JAZF1: variants seen among roughly 807,000 people sequenced by gnomAD.
JAZF1 encodes juxtaposed with another zinc finger protein 1.
A neutral mutation model predicts 26.4 loss-of-function variants in JAZF1; 8 were observed. The ratio of observed to expected loss-of-function variants is 0.30; its 90% CI spans 0.18 to 0.55. JAZF1 has a LOEUF of 0.55. Ranked by LOEUF, JAZF1 falls within the 20% of genes least tolerant of loss-of-function variation. The probability of loss-of-function intolerance (pLI) is 0.94; values close to 1 mark genes in which losing one functional copy is unlikely to be tolerated. For missense variants in JAZF1, 199 were observed against 322.0 expected (o/e 0.62, Z 2.92); for synonymous variants, 126 against 122.3 (o/e 1.03, Z -0.20).
rs118021461 is a variant in JAZF1, at chr7:27,901,599, C to T, written c.189-6183G>A. 6.6e-5 allele frequency among the ~76,000 whole-genome samples: 10 copies of T among 152,282 alleles called. 1 individual carries two copies. The East Asian group carries it at 1.5e-3, about 24-fold the overall frequency. ...GAGAACTCAGAAACTGAAGTGACCA[C>T]TTGAAACTGCAGTCTCAGAAAAAAC... On this transcript the variant is annotated intron_variant, in intron 2 of 4. Coordinates refer to ENST00000283928, the MANE Select transcript of JAZF1 (RefSeq NM_175061.4).
intron 2 of JAZF1, among the ~76,000 whole-genome samples, chr7:27,958,433 G>A (rs1444407678): frequency 6.6e-6 from 1 of 152,184 alleles, no homozygotes; most frequent in East Asian, 1.9e-4. Context: ...AAGGATAACA[G>A]AGCTACAGGA....
chr7:28,168,679 A>AACTACATAGC (rs1278705128), intron 1 of JAZF1, among the ~76,000 whole-genome samples: 2 of 152,186 alleles, frequency 1.3e-5, no homozygotes, highest in African/African-American at 4.8e-5. Context: ...TTTGTACTCT[A>AACTACATAGC]ACTACATAGC....
At chr7:28,000,232 C>G (rs920995371) in intron 1 of JAZF1, among the ~76,000 whole-genome samples, 1 of 152,148 alleles carries the variant, frequency 6.6e-6, no homozygotes, top group Non-Finnish European at 1.5e-5. Flanking sequence ...GCAGCACCCC[C>G]CCGACCCCCC....
rs531684151 is a variant in JAZF1 at position 27,965,624 on chromosome 7, C to A, written c.188+26285G>T. Among the ~76,000 whole-genome samples, 6 of 152,194 alleles carry A rather than the reference C, an allele frequency of 3.9e-5. No homozygotes were observed. The South Asian group carries it at 1.2e-3, about 32-fold the overall frequency. ...CATATTCAGTAAAATGCTGATTAAC[C>A]TTTCTTGATCTTTACTTGTGACAAT... On this transcript the variant is annotated intron_variant, in intron 2 of 4. Transcript: ENST00000283928.
intron 1 of JAZF1, among the ~76,000 whole-genome samples, chr7:28,109,424 C>T (rs6963719): frequency 0.63 from 96,340 of 151,878 alleles, 31,965 homozygotes; most frequent in Non-Finnish European, 0.73. Flanking sequence ...AGCCTATCCT[C>T]TTCCTTATTC....
intron 2 of JAZF1, among the ~76,000 whole-genome samples, chr7:27,940,836 T>C (rs890894210): frequency 6.6e-6 from 1 of 152,252 alleles, no homozygotes; most frequent in Non-Finnish European, 1.5e-5. Context: ...AAATTTACTG[T>C]ATTCATAAAT....
chr7:28,048,977 CCCTTCCTTCCCTT>C (rs1286928986), intron 1 of JAZF1, among the ~76,000 whole-genome samples: 61 of 148,920 alleles, frequency 4.1e-4, no homozygotes, highest in East Asian at 1.2e-3. Flanking sequence ...TTTCTCCCTT[CCCTTCCTTCCCTT>C]CCTTCCTTCC....
chr7:28,038,304 G>A (rs748985495), intron 1 of JAZF1, among the ~76,000 whole-genome samples: 3 of 152,178 alleles, frequency 2.0e-5, no homozygotes, highest in Non-Finnish European at 4.4e-5. Flanking sequence ...GCTTCTCACT[G>A]TGCTTGTATT....
intron 2 of JAZF1, among the ~76,000 whole-genome samples, chr7:27,962,901 C>A (rs990536865): frequency 6.6e-6 from 1 of 152,132 alleles, no homozygotes. Context: ...CACTGCAAAT[C>A]TTTTTTGTCC....
chr7:27,921,870 G>A (rs775495912), intron 2 of JAZF1, among the ~76,000 whole-genome samples: 3 of 152,120 alleles, frequency 2.0e-5, no homozygotes, highest in Non-Finnish European at 4.4e-5. Context: ...TACAAAAATA[G>A]AAAAGTATTT....
intron 3 of JAZF1, among the ~76,000 whole-genome samples, chr7:27,855,581 A>T (rs943742746): frequency 3.3e-5 from 5 of 152,226 alleles, no homozygotes; most frequent in Admixed American, 3.3e-4. Flanking sequence ...TATACTACAA[A>T]CACTTCTATG....
At chr7:28,155,345 A>C (rs527550323) in intron 1 of JAZF1, among the ~76,000 whole-genome samples, 1 of 152,210 alleles carries the variant, frequency 6.6e-6, no homozygotes, top group East Asian at 1.9e-4. Flanking sequence ...GTTACTGTAC[A>C]CATCAGTCAA....
rs772595147 is a variant in JAZF1 at position 27,895,241 on chromosome 7, A to G, written c.364T>C (p.Phe122Leu). Reference sequence around the variant, plus strand: ...TCACCTGTCGGAGTGCTGCTGCGGAATGAAGAGGAGGGGGTGATGGGTGGG... The same window carrying G: ...TCACCTGTCGGAGTGCTGCTGCGGAGTGAAGAGGAGGGGGTGATGGGTGGG... ...VTPPITPSSS[F>L]RSSTPTGSEY... Residue 122 changes from phenylalanine to leucine, a missense_variant, in exon 3 of 5, where the codon TTC (phenylalanine) becomes CTC (leucine). Coordinates refer to ENST00000283928, the MANE Select transcript of JAZF1 (RefSeq NM_175061.4). 3.7e-6 allele frequency: 6 copies of G among 1,604,066 alleles called. No individual in the cohort carries two copies. The highest frequency in any genetic ancestry group is 1.3e-5 in the African/African-American group (1 of 74,618).
intron 2 of JAZF1, among the ~76,000 whole-genome samples, chr7:27,902,127 T>C (rs1784171922): frequency 6.6e-6 from 1 of 152,214 alleles, no homozygotes; most frequent in Non-Finnish European, 1.5e-5. Flanking sequence ...TTACTGAAAA[T>C]ATTCATGTGT....
chr7:27,923,964 A>G (rs1467951587), intron 2 of JAZF1, among the ~76,000 whole-genome samples: 1 of 152,228 alleles, frequency 6.6e-6, no homozygotes, highest in Non-Finnish European at 1.5e-5. Context: ...CTCACAAATT[A>G]TGAGTGGGCC....
intron 2 of JAZF1, among the ~76,000 whole-genome samples, chr7:27,911,621 CAT>C (rs1346999824): frequency 1.3e-5 from 2 of 152,092 alleles, no homozygotes; most frequent in African/African-American, 4.8e-5. Context: ...TGAATAGAAA[CAT>C]AAAATTTCCA....
intron 1 of JAZF1, among the ~76,000 whole-genome samples, chr7:28,063,545 A>T (rs1783833062): frequency 6.6e-6 from 1 of 152,222 alleles, no homozygotes; most frequent in African/African-American, 2.4e-5. Context: ...AACACTTCTT[A>T]AGTGTATAAC....
chr7:27,981,280 C>G (rs28528810), intron 2 of JAZF1, among the ~76,000 whole-genome samples: 2,120 of 152,142 alleles, frequency 0.014, 58 homozygotes, highest in African/African-American at 0.049. Context: ...ACAGAGGAAC[C>G]CATCAAATGA....
chr7:28,006,304 G>T lies in JAZF1; in HGVS notation c.116-14323C>A, dbSNP rs139903289. Among the ~76,000 whole-genome samples the T allele has an allele frequency of 4.2e-3, 642 of 152,160 alleles. 3 individuals carry two copies. Among genetic ancestry groups the T allele is most frequent in the African/African-American group, 0.015 (617 of 41,492 alleles). On this transcript the variant is annotated intron_variant, in intron 1 of 4. Coordinates refer to ENST00000283928, the MANE Select transcript of JAZF1 (RefSeq NM_175061.4). The stretch of plus-strand genomic sequence containing the variant: ...GAATTACTTAAACCTGGGAAGCGGA[G>T]GTCACAGTGAGCCAAGACGGCACCA...
Sources: gnomAD v4.1 joint callset for allele counts (sites outside exome capture counted in the v4.1 genomes callset) on GRCh38, gnomAD v4.1.1 for gene constraint, MANE v1.5 for transcripts, NCBI Gene and HGNC (gene_info 2026-07-23, HGNC 2026-07-21) for gene names.